Variants in NCAM2 observed in about 807,000 individuals in gnomAD.
The protein encoded by NCAM2 is neural cell adhesion molecule 2.
In NCAM2, 30 loss-of-function variants were observed where a neutral mutation model predicts 98.1. The ratio of observed to expected loss-of-function variants is 0.31; its 90% CI spans 0.23 to 0.41. The LOEUF (loss-of-function observed/expected upper bound fraction) is 0.41, where lower values mean the gene tolerates loss of function less well. Among genes scored for constraint, NCAM2 ranks in the 10% least tolerant of loss-of-function variants. The probability of loss-of-function intolerance (pLI) is 1.00; values close to 1 mark genes in which losing one functional copy is unlikely to be tolerated. For missense variants in NCAM2, 867 were observed against 1,005.8 expected, an observed-to-expected ratio of 0.86 and a Z score of 1.87; for synonymous variants, 368 against 342.4, an observed-to-expected ratio of 1.07 and a Z score of -0.83.
intron 1 of NCAM2, among the ~76,000 whole-genome samples, chr21:21,065,337 T>C (rs542773767): frequency 8.5e-5 from 13 of 152,088 alleles, no homozygotes; most frequent in African/African-American, 3.1e-4. Context: ...CATCTGGGTC[T>C]TTTTTTTCCC....
intron 13 of NCAM2, among the ~76,000 whole-genome samples, chr21:21,468,418 C>G (rs568942711): frequency 6.6e-6 from 1 of 151,882 alleles, no homozygotes. Flanking sequence ...ATTTGCATAT[C>G]AGTGAAAATA....
At chr21:21,183,476 G>A (rs532513770) in intron 1 of NCAM2, among the ~76,000 whole-genome samples, 15 of 152,226 alleles carry the variant, frequency 9.9e-5, no homozygotes, top group African/African-American at 3.6e-4. Context: ...ACATATTAGT[G>A]GGGGCAGCTA....
intron 6 of NCAM2, among the ~76,000 whole-genome samples, chr21:21,331,517 C>CTCTCTCTCTCTCTCTCTATATATATA (rs1483062198): frequency 1.4e-4 from 1 of 6,938 alleles, no homozygotes; most frequent in African/African-American, 5.5e-4. Context: ...CTCTCTCTCT[C>CTCTCTCTCTCTCTCTCTATATATATA]TATATATATA....
chr21:21,239,950 T>A (rs1164018427), intron 1 of NCAM2, among the ~76,000 whole-genome samples: 2 of 152,094 alleles, frequency 1.3e-5, no homozygotes, highest in Non-Finnish European at 2.9e-5. Context: ...AATCAATCTC[T>A]TTCTCTTTCT....
At chr21:21,524,022 C>T (rs1352283117) in intron 16 of NCAM2, among the ~76,000 whole-genome samples, 1 of 146,014 alleles carries the variant, frequency 6.8e-6, no homozygotes, top group Admixed American at 7.2e-5. Context: ...AAAAACGAGA[C>T]CCAACCAGAT....
chr21:21,334,216 A>C (rs1342936670), intron 6 of NCAM2, among the ~76,000 whole-genome samples: 3 of 152,092 alleles, frequency 2.0e-5, no homozygotes, highest in Admixed American at 1.3e-4. Flanking sequence ...TACAGGCATG[A>C]CCCACCACAC....
chr21:21,175,895 C>T (rs1002159661), intron 1 of NCAM2, among the ~76,000 whole-genome samples: 2 of 152,066 alleles, frequency 1.3e-5, no homozygotes, highest in South Asian at 2.1e-4. Context: ...CCAAAACAAC[C>T]AATTTTATGT....
At chr21:21,502,228 T>G (rs1403649315) in intron 15 of NCAM2, among the ~76,000 whole-genome samples, 1 of 151,972 alleles carries the variant, frequency 6.6e-6, no homozygotes, top group Non-Finnish European at 1.5e-5. Context: ...ATGGATAATT[T>G]CTAAAAATAT....
chr21:21,366,943 C>T lies in NCAM2; in HGVS notation c.1045-6920C>T, dbSNP rs935318007. 1.1e-4 allele frequency among the ~76,000 whole-genome samples: 16 copies of T among 151,914 alleles called. 1 individual carries two copies. Among genetic ancestry groups the T allele is most frequent in the African/African-American group, 3.6e-4 (15 of 41,412 alleles). On this transcript the variant is annotated intron_variant, in intron 8 of 17. Transcript: ENST00000400546. ...CATATGATGTATGACTCCCTCAAAA[C>T]CTTGAAACAATGCAGTCAATACTTA...
chr21:21,112,947 G>T (rs2066484035), intron 1 of NCAM2, among the ~76,000 whole-genome samples: 1 of 152,182 alleles, frequency 6.6e-6, no homozygotes, highest in Admixed American at 6.5e-5. Flanking sequence ...ACGTGATGCT[G>T]AACGTGGGGT....
At chr21:21,480,366 C>T (rs1306040254) in intron 15 of NCAM2, among the ~76,000 whole-genome samples, 3 of 69,976 alleles carry the variant, frequency 4.3e-5, no homozygotes, top group South Asian at 5.1e-4. Flanking sequence ...GACTCCATCT[C>T]AAAAAAAAAA....
chr21:21,153,976 A>T (rs2067529974), intron 1 of NCAM2, among the ~76,000 whole-genome samples: 1 of 151,894 alleles, frequency 6.6e-6, no homozygotes, highest in Non-Finnish European at 1.5e-5. Flanking sequence ...GGTTAAATAT[A>T]TGATTAAGTT....
At chr21:21,091,534 A>G (rs1237495536) in intron 1 of NCAM2, among the ~76,000 whole-genome samples, 1 of 152,286 alleles carries the variant, frequency 6.6e-6, no homozygotes, top group East Asian at 1.9e-4. Flanking sequence ...TTCACAAAAA[A>G]GGTTTAATTG....
At chr21:21,391,348 A>G (rs1211543528) in intron 9 of NCAM2, among the ~76,000 whole-genome samples, 3 of 152,244 alleles carry the variant, frequency 2.0e-5, no homozygotes, top group Admixed American at 2.0e-4. Context: ...CTTAGAAAGC[A>G]TCATAAATTA....
chr21:21,419,305 C>CT (rs34109924), intron 11 of NCAM2, among the ~76,000 whole-genome samples: 2,570 of 99,854 alleles, frequency 0.026, 88 homozygotes, highest in African/African-American at 0.084. Flanking sequence ...AAATAGGGAA[C>CT]TTTTTTTTTT....
At chr21:21,461,808 A>G (rs1983013302) in intron 12 of NCAM2, among the ~76,000 whole-genome samples, 1 of 152,002 alleles carries the variant, frequency 6.6e-6, no homozygotes, top group Admixed American at 6.6e-5. Flanking sequence ...AAGTGAAAAT[A>G]TAATTGAACT....
chr21:21,164,220 C>G (rs1009618249), intron 1 of NCAM2, among the ~76,000 whole-genome samples: 1 of 152,146 alleles, frequency 6.6e-6, no homozygotes, highest in Non-Finnish European at 1.5e-5. Flanking sequence ...TATTTGCACT[C>G]CAATTGTCTT....
chr21:21,004,863 G>A (rs761342927), intron 1 of NCAM2, among the ~76,000 whole-genome samples: 2 of 152,086 alleles, frequency 1.3e-5, no homozygotes, highest in Non-Finnish European at 2.9e-5. Context: ...TTGCATATGG[G>A]ACATGTCCAA....
intron 6 of NCAM2, among the ~76,000 whole-genome samples, chr21:21,326,770 C>T (rs1038962245): frequency 2.6e-5 from 4 of 151,884 alleles, no homozygotes; most frequent in African/African-American, 9.7e-5. Context: ...AATAATTGTT[C>T]TAGTCTCTGG....
Sources: gnomAD v4.1 joint callset for allele counts (sites outside exome capture counted in the v4.1 genomes callset) on GRCh38, gnomAD v4.1.1 for gene constraint, MANE v1.5 for transcripts, NCBI Gene and HGNC (gene_info 2026-07-23, HGNC 2026-07-21) for gene names.